Variants in UQCRC1 observed in about 807,000 individuals in gnomAD.
The protein encoded by UQCRC1 is cytochrome b-c1 complex subunit 1, mitochondrial.
Under a neutral mutation model 58.0 loss-of-function variants are expected in UQCRC1, and 34 were observed. The observed-to-expected ratio is 0.59, with a 90% CI of 0.45 to 0.78. The LOEUF is 0.78. Ranked by LOEUF, UQCRC1 falls within the 30% of genes least tolerant of loss-of-function variation. The probability of loss-of-function intolerance (pLI) is 0.00; values close to 1 mark genes in which losing one functional copy is unlikely to be tolerated. For synonymous variants in UQCRC1, 276 were observed against 248.8 expected (o/e 1.11, Z -1.03); for missense variants, 610 against 646.0 (o/e 0.94, Z 0.60).
In UQCRC1 at chr3:48,599,591, G is replaced by A. The variant is rs773253517; in HGVS notation, c.1378+44C>T. 57 of 1,605,520 alleles carry A rather than the reference G, an allele frequency of 3.6e-5. No homozygotes were observed. The South Asian group carries it at 5.5e-4, about 16-fold the overall frequency. ...AGGTGGAAGGGGAGGCCAAGAGAAC[G>A]GCCTGAGGAAATAAACAAAGAGCAG... On this transcript the variant is annotated intron_variant, in intron 12 of 12. Transcript: ENST00000203407.
In UQCRC1 at chr3:48,609,540, C is replaced by T; in HGVS notation, c.69+12G>A. 1 of 1,569,088 alleles carries T rather than the reference C, an allele frequency of 6.4e-7. No individual in the cohort carries two copies. The highest frequency in any genetic ancestry group is 8.6e-7 in the Non-Finnish European group (1 of 1,163,334). ...CCTGTCCCGAAGCCCCGCGCTCTCG[C>T]CACCACCTCACCGAGCGGCGGGCGC... On this transcript the variant is annotated intron_variant, in intron 1 of 12. Transcript: ENST00000203407.
Position 48,604,269 on chromosome 3 carries a change from A to C in UQCRC1, c.590T>G (p.Leu197Arg), listed in dbSNP as rs931898504. Residue 197 changes from leucine (L) to arginine (R), a missense_variant, in exon 5 of 13, where the codon CTA becomes CGA. Coordinates refer to ENST00000203407, the MANE Select transcript of UQCRC1 (RefSeq NM_003365.3). ...ACTGGGCCCCTCCACAGCCTGGGCT[A>C]GAGGTGTGCCCTGGAATGCTGTGGC... ...LHATAFQGTP[L>R]AQAVEGPSEN... 6 of 1,613,144 alleles carry C rather than the reference A, an allele frequency of 3.7e-6. No homozygotes were observed. Among genetic ancestry groups the C allele is most frequent in the Non-Finnish European group, 5.1e-6 (6 of 1,180,042 alleles).
At chr3:48,599,997 A>T in intron 11 of UQCRC1, 66 bp downstream of exon 11, 2 of 1,595,098 alleles carry the variant, frequency 1.3e-6, no homozygotes, top group Admixed American at 1.7e-5. Flanking sequence ...GCCAGGCCCC[A>T]ACCCTACACC....
At chr3:48,605,512 C>T (rs939513851) in intron 3 of UQCRC1, among the ~76,000 whole-genome samples, 6 of 152,240 alleles carry the variant, frequency 3.9e-5, no homozygotes, top group Non-Finnish European at 7.3e-5. Flanking sequence ...GTGTGTTCCA[C>T]AGGCCTGGCT....
rs552152832 is a variant in UQCRC1, at chr3:48,605,337, T to C, written c.297+433A>G. Reference sequence around the variant, plus strand: ...GGCTAGGTTGCCTACTATGGCTCCATGGCCCTGCCCACCCCATAATCCTTC... The same window carrying C: ...GGCTAGGTTGCCTACTATGGCTCCACGGCCCTGCCCACCCCATAATCCTTC... On this transcript the variant is annotated intron_variant, in intron 3 of 12. Transcript: ENST00000203407. 5.9e-5 allele frequency among the ~76,000 whole-genome samples: 9 copies of C among 152,370 alleles called. No individual in the cohort carries two copies. In the South Asian group the frequency reaches 1.9e-3, roughly 32 times the overall value.
At chr3:48,608,613 G>C (rs114274806) in intron 2 of UQCRC1, among the ~76,000 whole-genome samples, 1 of 152,226 alleles carries the variant, frequency 6.6e-6, no homozygotes, top group East Asian at 1.9e-4. Context: ...GGGCTGAAAG[G>C]AGGAGGAGAT....
Position 48,601,101 on chromosome 3 carries a change from A to G in UQCRC1, c.840T>C (p.Asp280=). 1 of 1,602,624 alleles carries G rather than the reference A, an allele frequency of 6.2e-7. No individual in the cohort carries two copies. ...FTGSEIRHRD[D]ALPFAHVAIA... Reference sequence around the variant, plus strand: ...TGGCCACGTGGGCAAAAGGTAGAGCATCATCACGGTGGCGGATCTGAAACA... The same window carrying G: ...TGGCCACGTGGGCAAAAGGTAGAGCGTCATCACGGTGGCGGATCTGAAACA... Residue 280 remains aspartate, a synonymous_variant, in exon 8 of 13, where the codon GAT becomes GAC. Coordinates refer to ENST00000203407, the MANE Select transcript of UQCRC1 (RefSeq NM_003365.3).
chr3:48,605,872 C>A lies in UQCRC1; in HGVS notation c.211-16G>T. ...ACACTCCCACCTGGTCAAGAAGCCA[C>A]CAGAAAAGGTTACAAACAAACCACT... On this transcript the variant is annotated splice_polypyrimidine_tract_variant and intron_variant, in intron 2 of 12. Coordinates refer to ENST00000203407, the MANE Select transcript of UQCRC1 (RefSeq NM_003365.3). 6.2e-7 allele frequency: 1 copy of A among 1,612,910 alleles called. No homozygotes were observed. Among genetic ancestry groups the A allele is most frequent in the African/African-American group, 1.3e-5 (1 of 74,964 alleles).
intron 2 of UQCRC1, 143 bp downstream of exon 2, chr3:48,609,019 T>C (rs562991413): frequency 8.8e-7 from 1 of 1,137,718 alleles, no homozygotes; most frequent in African/African-American, 1.6e-5. Context: ...GGGTAGGGAA[T>C]GGGGCCATTC....
chr3:48,603,869 C>T (rs931020019), intron 5 of UQCRC1: 1 of 593,426 alleles, frequency 1.7e-6, no homozygotes, highest in African/African-American at 1.9e-5. Context: ...TCAGGACAGG[C>T]TCATAGTCTT....
chr3:48,607,448 T>C (rs1258692084), intron 2 of UQCRC1, among the ~76,000 whole-genome samples: 1 of 152,228 alleles, frequency 6.6e-6, no homozygotes, highest in Non-Finnish European at 1.5e-5. Context: ...GTGCTGGGAT[T>C]ATAGGCATGA....
rs564173813 is a variant in UQCRC1 at position 48,599,267 on chromosome 3, G to A, written c.1379-75C>T. 1.2e-5 allele frequency: 17 copies of A among 1,446,310 alleles called. No homozygotes were observed. The East Asian group carries it at 3.5e-4, about 29-fold the overall frequency. 89.6% of individuals were successfully genotyped at this position (1,446,310 alleles called of 1,614,324 possible). A position where few individuals can be genotyped will look rare whatever the true frequency, so the allele number is the denominator to read the frequency against. On this transcript the variant is annotated intron_variant, in intron 12 of 12. Transcript: ENST00000203407. ...GACACCTGGCCCTGTGCCGCACCCAGCTCGGAGATGCTGCCCAGAGCAGCA... is the reference window on the plus strand; with the variant it reads ...GACACCTGGCCCTGTGCCGCACCCAACTCGGAGATGCTGCCCAGAGCAGCA...
At position 48,599,132 on chromosome 3, in the gene UQCRC1, A is replaced by C; in HGVS notation, c.1439T>G (p.Phe480Cys). 2 of 1,612,430 alleles carry C rather than the reference A, an allele frequency of 1.2e-6. No individual in the cohort carries two copies. The highest frequency in any genetic ancestry group is 1.7e-6 in the Non-Finnish European group (2 of 1,179,058). The stretch of plus-strand genomic sequence containing the variant: ...TTGCTTACATAGGCTTCCCGCCTAG[A>C]AGCGCAGCCAGAACATGCCGCTACG... Reference protein sequence around the residue: ...RIRSGMFWLRF With the variant: ...RIRSGMFWLRC The change falls in exon 13 of 13, where the codon TTC becomes TGC. Residue 480 changes from phenylalanine to cysteine, a missense_variant. Transcript: ENST00000203407.
At chr3:48,609,504 C>T in intron 1 of UQCRC1, 48 bp downstream of exon 1, 19 of 1,539,650 alleles carry the variant, frequency 1.2e-5, no homozygotes, top group Non-Finnish European at 1.7e-5. Context: ...CACCTGTCCG[C>T]TTCCCGAAGC....
chr3:48,601,770 C>T (rs1056837445), intron 6 of UQCRC1, among the ~76,000 whole-genome samples: 1 of 152,144 alleles, frequency 6.6e-6, no homozygotes, highest in Non-Finnish European at 1.5e-5. Flanking sequence ...AGATGCATTC[C>T]ACCTACATCA....
At chr3:48,599,811 G>A (rs2046345327) in intron 11 of UQCRC1, 101 bp from the exon 12 acceptor site, 1 of 1,310,560 alleles carries the variant, frequency 7.6e-7, no homozygotes, top group Non-Finnish European at 1.1e-6. Flanking sequence ...CAGGCAGCAT[G>A]CAGCTGTCCC....
At chr3:48,605,704 C>G in intron 3 of UQCRC1, 66 bp downstream of exon 3, 1 of 1,513,238 alleles carries the variant, frequency 6.6e-7, no homozygotes, top group Admixed American at 2.0e-5. Flanking sequence ...ATTTTTCTGA[C>G]CTTCATCCTC....
intron 5 of UQCRC1, 45 bp from the exon 6 acceptor site, chr3:48,603,688 A>G (rs1322467983): frequency 6.4e-7 from 1 of 1,570,470 alleles, no homozygotes; most frequent in East Asian, 2.3e-5. Flanking sequence ...ACCACACTGG[A>G]GTGAGTTGGG....
rs201707020 is a variant in UQCRC1 at position 48,600,987 on chromosome 3, A to T, written c.954T>A (p.Tyr318Ter). ...CGCTGGCACTCACCACGCCACCACC[A>T]TAAGTGCAGTCATAGTGGCCGATGA... ...NAIIGHYDCT[Y>*]GGGVHLSSPL... The change falls in exon 8 of 13, where the codon TAT becomes TAA. Residue 318 changes from tyrosine (Y) to a stop codon, truncating the protein, a stop_gained. Coordinates refer to ENST00000203407, the MANE Select transcript of UQCRC1 (RefSeq NM_003365.3). LOFTEE classifies it high-confidence loss of function. 7.5e-6 allele frequency: 12 copies of T among 1,604,972 alleles called. No homozygotes were observed. The highest frequency in any genetic ancestry group is 1.0e-5 in the Non-Finnish European group (12 of 1,172,904).
Sources: gnomAD v4.1 joint callset for allele counts (sites outside exome capture counted in the v4.1 genomes callset) on GRCh38, gnomAD v4.1.1 for gene constraint, MANE v1.5 for transcripts, NCBI Gene and HGNC (gene_info 2026-07-23, HGNC 2026-07-21) for gene names.